The following MAGI3 variants were observed in gnomAD, a reference collection of about 807,000 sequenced individuals.
MAGI3 encodes the protein membrane associated guanylate kinase, WW and PDZ domain containing 3.
A neutral mutation model predicts 121.8 loss-of-function variants in MAGI3; 43 were observed. The ratio of observed to expected loss-of-function variants is 0.35; its 90% CI spans 0.28 to 0.46. The LOEUF (loss-of-function observed/expected upper bound fraction) is 0.46, where lower values mean the gene tolerates loss of function less well. Ranked by LOEUF, MAGI3 falls within the 20% of genes least tolerant of loss-of-function variation. The pLI is 1.00. For synonymous variants in MAGI3, 553 were observed against 639.3 expected (o/e 0.86, Z 2.04); for missense variants, 1,547 against 1,797.3 (o/e 0.86, Z 2.52).
chr1:113,663,342 C>T (rs1436618634), intron 16 of MAGI3, among the ~76,000 whole-genome samples: 2 of 151,026 alleles, frequency 1.3e-5, no homozygotes, highest in Non-Finnish European at 2.9e-5. Flanking sequence ...AAAGAAACTT[C>T]ATACCCATTA....
chr1:113,400,416 A>G (rs1651339355), intron 1 of MAGI3, among the ~76,000 whole-genome samples: 1 of 152,112 alleles, frequency 6.6e-6, no homozygotes, highest in African/African-American at 2.4e-5. Context: ...TTGGTAGATT[A>G]TTGGTGAATG....
At chr1:113,395,966 A>G (rs1447738117) in intron 1 of MAGI3, among the ~76,000 whole-genome samples, 2 of 152,156 alleles carry the variant, frequency 1.3e-5, no homozygotes, top group Admixed American at 6.5e-5. Context: ...GGACGTATAC[A>G]TTATTTTTCC....
chr1:113,461,172 G>T (rs1025115712), intron 1 of MAGI3, among the ~76,000 whole-genome samples: 1 of 152,202 alleles, frequency 6.6e-6, no homozygotes, highest in African/African-American at 2.4e-5. Context: ...GCAATGTACA[G>T]ATTCAATGCT....
chr1:113,674,701 T>C (rs1647770366), intron 19 of MAGI3, among the ~76,000 whole-genome samples: 1 of 152,204 alleles, frequency 6.6e-6, no homozygotes, highest in South Asian at 2.1e-4. Context: ...GAATTTTTCA[T>C]TTCACTCCCA....
rs905894975 is a variant in MAGI3, at chr1:113,673,361, C to T, written c.3085C>T (p.Arg1029Trp). Residue 1029 changes from arginine (R) to tryptophan (W), a missense_variant, in exon 19 of 21, where the codon CGG (arginine) becomes TGG (tryptophan). Coordinates refer to ENST00000307546, the MANE Select transcript of MAGI3 (RefSeq NM_001142782.2). Reference protein sequence around the residue: ...CYPVELERGPRGFGFSLRGGK... With the variant: ...CYPVELERGPWGFGFSLRGGK... ...TCCAGTAGAGCTGGAGAGAGGCCCC[C>T]GGGGCTTTGGATTCAGCCTCCGAGG... 4.3e-6 allele frequency: 7 copies of T among 1,611,360 alleles called. No homozygotes were observed. In the Admixed American group the frequency reaches 5.1e-5, roughly 12 times the overall value.
rs116957065 is a variant in MAGI3, at chr1:113,447,769, G to C, written c.316+56420G>C. Among the ~76,000 whole-genome samples the C allele has an allele frequency of 1.7e-3, 266 of 152,060 alleles. 5 individuals carry two copies. The East Asian group carries it at 0.039, about 23-fold the overall frequency. On this transcript the variant is annotated intron_variant, in intron 1 of 20. Transcript: ENST00000307546. ...CTTGGGAGGCAGAGACAGGAAAATT[G>C]CTTGAATCTGGGAGGCGGACGTTGC...
chr1:113,683,154 C>G lies in MAGI3; in HGVS notation c.3586C>G (p.Pro1196Ala), dbSNP rs1648320739. 1 of 1,613,436 alleles carries G rather than the reference C, an allele frequency of 6.2e-7. No homozygotes were observed. Among genetic ancestry groups the G allele is most frequent in the Non-Finnish European group, 8.5e-7 (1 of 1,179,812 alleles). ...LLQKNVSKRD[P>A]PSSHGHSNKK... ...CCAGAAAAATGTGAGTAAGAGGGAT[C>G]CACCCAGCAGTCATGGGCACAGTAA... Residue 1196 changes from proline to alanine, a missense_variant, in exon 21 of 21, where the codon CCA becomes GCA. Physicochemically the swap from Pro to Ala is conservative, Grantham distance 27 (BLOSUM62 -1). Transcript: ENST00000307546.
At chr1:113,518,232 C>T (rs1248604073) in intron 1 of MAGI3, among the ~76,000 whole-genome samples, 1 of 151,994 alleles carries the variant, frequency 6.6e-6, no homozygotes, top group Non-Finnish European at 1.5e-5. Context: ...AATGTGGTTT[C>T]AGATTTATGG....
At chr1:113,503,088 G>T (rs1657102357) in intron 1 of MAGI3, among the ~76,000 whole-genome samples, 1 of 83,488 alleles carries the variant, frequency 1.2e-5, no homozygotes, top group Non-Finnish European at 2.2e-5. Context: ...GGAGGGGGGA[G>T]GGGTAGCATT....
At chr1:113,402,563 C>T (rs1651463503) in intron 1 of MAGI3, among the ~76,000 whole-genome samples, 1 of 151,974 alleles carries the variant, frequency 6.6e-6, no homozygotes, top group African/African-American at 2.4e-5. Flanking sequence ...CTGTTTCTTG[C>T]TCTCTCTGTG....
intron 1 of MAGI3, among the ~76,000 whole-genome samples, chr1:113,512,436 C>G (rs1198452531): frequency 1.3e-5 from 2 of 152,184 alleles, no homozygotes; most frequent in African/African-American, 4.8e-5. Context: ...ACAAAACCAT[C>G]TACAGATCTT....
intron 1 of MAGI3, among the ~76,000 whole-genome samples, chr1:113,478,794 G>A (rs377206270): frequency 4.4e-4 from 67 of 152,314 alleles, no homozygotes; most frequent in East Asian, 3.1e-3. Context: ...TGTCAGACAG[G>A]GACATTTAAG....
rs200100134 is a variant in MAGI3 at position 113,509,367 on chromosome 1, TTG to T, written c.317-40146_317-40145del. On this transcript the variant is annotated intron_variant, in intron 1 of 20. Coordinates refer to ENST00000307546, the MANE Select transcript of MAGI3 (RefSeq NM_001142782.2). ...TCAATTATCTTTTCTTTTTTTTTTT[TTG>T]TTTTCTTTTTCCCAAATGGCTGTTG... is the stretch of plus-strand genomic sequence containing the variant. 2.9e-3 allele frequency among the ~76,000 whole-genome samples: 412 copies of T among 143,012 alleles called. 4 individuals are homozygous for T. In the East Asian group the frequency reaches 0.065, roughly 22 times the overall value. The allele number at this position is 143,012 out of a possible 152,430, so 93.8% of individuals were successfully genotyped here.
At chr1:113,589,924 A>G (rs1018442784) in intron 4 of MAGI3, among the ~76,000 whole-genome samples, 7 of 152,096 alleles carry the variant, frequency 4.6e-5, no homozygotes, top group Non-Finnish European at 7.4e-5. Flanking sequence ...AAAAATTACT[A>G]TTATTTAAAG....
chr1:113,540,530 T>C (rs1659241833), intron 1 of MAGI3, among the ~76,000 whole-genome samples: 1 of 152,220 alleles, frequency 6.6e-6, no homozygotes, highest in African/African-American at 2.4e-5. Context: ...TGTAGATTTA[T>C]GTGTACACAG....
At position 113,663,898 on chromosome 1, in the gene MAGI3, T is replaced by C. The variant is rs570223162; in HGVS notation, c.2815+4633T>C. Among the ~76,000 whole-genome samples, 208 of 152,282 alleles carry C rather than the reference T, an allele frequency of 1.4e-3. 1 individual carries two copies. The highest frequency in any genetic ancestry group is 2.6e-3 in the Non-Finnish European group (179 of 68,016). On this transcript the variant is annotated intron_variant, in intron 16 of 20. Coordinates refer to ENST00000307546, the MANE Select transcript of MAGI3 (RefSeq NM_001142782.2). ...GGGGTTTGTTTTCTAGCCATTCTAG[T>C]GGGTATGAAATGGTATTTCATTGTG... is the stretch of plus-strand genomic sequence containing the variant.
At chr1:113,401,675 A>G (rs1173798405) in intron 1 of MAGI3, among the ~76,000 whole-genome samples, 1 of 152,190 alleles carries the variant, frequency 6.6e-6, no homozygotes, top group Non-Finnish European at 1.5e-5. Context: ...AGGTGTTAGC[A>G]CATTTACTGA....
intron 1 of MAGI3, among the ~76,000 whole-genome samples, chr1:113,449,360 G>GGTGTGTGTGTGT (rs71087199): frequency 0.073 from 10,750 of 147,192 alleles, 559 homozygotes; most frequent in East Asian, 0.28. Flanking sequence ...TTACTTTTAT[G>GGTGTGTGTGTGT]GTGTGTGTGT....
intron 2 of MAGI3, among the ~76,000 whole-genome samples, chr1:113,579,227 A>C (rs887643982): frequency 6.6e-6 from 1 of 152,138 alleles, no homozygotes; most frequent in South Asian, 2.1e-4. Context: ...GCCATACCCT[A>C]GATAGAAATC....
Sources: gnomAD v4.1 joint callset for allele counts (sites outside exome capture counted in the v4.1 genomes callset) on GRCh38, gnomAD v4.1.1 for gene constraint, MANE v1.5 for transcripts, NCBI Gene and HGNC (gene_info 2026-07-23, HGNC 2026-07-21) for gene names.